CADM2: variants seen among roughly 807,000 people sequenced by gnomAD.
The protein encoded by CADM2 is cell adhesion molecule 2.
In CADM2, 12 loss-of-function variants were observed where a neutral mutation model predicts 49.8. That is an observed-to-expected ratio of 0.24 (90% confidence interval 0.15 to 0.39). The LOEUF is 0.39. CADM2 is among the 10% of genes least tolerant of loss of function. The pLI is 1.00. For synonymous variants in CADM2, 214 were observed against 175.4 expected, an observed-to-expected ratio of 1.22 and a Z score of -1.74; for missense variants, 378 against 492.3, an observed-to-expected ratio of 0.77 and a Z score of 2.20.
chr3:85,140,089 A>G (rs2039532366), intron 1 of CADM2, among the ~76,000 whole-genome samples: 2 of 152,176 alleles, frequency 1.3e-5, no homozygotes, highest in Non-Finnish European at 2.9e-5. Context: ...GCTTGTAGCT[A>G]AGATTCGGGA....
chr3:85,872,093 T>C (rs1294111898), intron 3 of CADM2, among the ~76,000 whole-genome samples: 2 of 152,204 alleles, frequency 1.3e-5, no homozygotes, highest in African/African-American at 2.4e-5. Context: ...TTTTCTACAG[T>C]GTAAGCTGGT....
intron 1 of CADM2, among the ~76,000 whole-genome samples, chr3:85,175,428 T>C (rs2040753376): frequency 6.6e-6 from 1 of 152,170 alleles, no homozygotes; most frequent in Non-Finnish European, 1.5e-5. Flanking sequence ...TATTCAGTTT[T>C]TTAAAAAGAA....
chr3:86,007,044 A>T (rs1730883572), intron 8 of CADM2, among the ~76,000 whole-genome samples: 1 of 152,008 alleles, frequency 6.6e-6, no homozygotes, highest in South Asian at 2.1e-4. Flanking sequence ...CATCTCAAAA[A>T]ATAAAAAATA....
At chr3:85,797,917 A>G (rs1435380753) in intron 2 of CADM2, among the ~76,000 whole-genome samples, 4 of 152,186 alleles carry the variant, frequency 2.6e-5, no homozygotes, top group Non-Finnish European at 5.9e-5. Context: ...CCTTTCCAGC[A>G]TCTGTTGTTT....
intron 3 of CADM2, among the ~76,000 whole-genome samples, chr3:85,822,989 A>T (rs2073682742): frequency 6.6e-6 from 1 of 152,156 alleles, no homozygotes; most frequent in Non-Finnish European, 1.5e-5. Flanking sequence ...AGCATGTTGC[A>T]TTCATTCCTT....
At chr3:85,623,621 C>G (rs1048294626) in intron 1 of CADM2, among the ~76,000 whole-genome samples, 2 of 152,112 alleles carry the variant, frequency 1.3e-5, no homozygotes, top group Non-Finnish European at 2.9e-5. Context: ...TGGAGATACA[C>G]CACATTCCTC....
chr3:85,488,744 A>G (rs1264138611), intron 1 of CADM2, among the ~76,000 whole-genome samples: 2 of 151,798 alleles, frequency 1.3e-5, no homozygotes, highest in Admixed American at 6.6e-5. Flanking sequence ...GTTGGCCAAG[A>G]TAGTCTTATC....
At chr3:85,588,132 A>G (rs146263460) in intron 1 of CADM2, among the ~76,000 whole-genome samples, 19 of 152,128 alleles carry the variant, frequency 1.2e-4, no homozygotes, top group Admixed American at 3.9e-4. Flanking sequence ...ATAATTTGTC[A>G]CAGAAAATGA....
chr3:85,111,210 A>C (rs1214000166), intron 1 of CADM2, among the ~76,000 whole-genome samples: 1 of 151,896 alleles, frequency 6.6e-6, no homozygotes, highest in African/African-American at 2.4e-5. Flanking sequence ...GGTCTTTCTT[A>C]TATTATCTGT....
chr3:85,779,950 A>C (rs1040501354), intron 2 of CADM2, among the ~76,000 whole-genome samples: 5 of 152,206 alleles, frequency 3.3e-5, no homozygotes, highest in Non-Finnish European at 7.3e-5. Flanking sequence ...TGGTGAAGAT[A>C]TAGATACGAA....
chr3:85,243,785 G>A (rs2042586204), intron 1 of CADM2, among the ~76,000 whole-genome samples: 1 of 152,022 alleles, frequency 6.6e-6, no homozygotes, highest in African/African-American at 2.4e-5. Context: ...TAAATCCACT[G>A]TCGTCTTTAT....
At chr3:85,798,113 G>T (rs7650537) in intron 2 of CADM2, among the ~76,000 whole-genome samples, 8,241 of 151,794 alleles carry the variant, frequency 0.054, 639 homozygotes, top group African/African-American at 0.17. Flanking sequence ...GGGGTCGTTT[G>T]TTTGTTTGTT....
intron 1 of CADM2, among the ~76,000 whole-genome samples, chr3:85,293,974 A>G (rs1452719411): frequency 6.6e-6 from 1 of 152,096 alleles, no homozygotes; most frequent in Non-Finnish European, 1.5e-5. Context: ...AAGGGTATTC[A>G]GTTAGGAAAA....
At chr3:86,018,305 C>T (rs565529691) in intron 8 of CADM2, among the ~76,000 whole-genome samples, 1 of 136,832 alleles carries the variant, frequency 7.3e-6, no homozygotes, top group East Asian at 2.1e-4. Flanking sequence ...GGTTCCAAGT[C>T]TTTGCTATTG....
chr3:85,104,788 T>A (rs1350698880), intron 1 of CADM2, among the ~76,000 whole-genome samples: 1 of 152,050 alleles, frequency 6.6e-6, no homozygotes, highest in African/African-American at 2.4e-5. Flanking sequence ...TCCTTCACAT[T>A]CCTTGTAAGT....
chr3:85,658,617 T>TATATAC lies in CADM2; in HGVS notation c.62-67904_62-67903insTATACA, dbSNP rs1553656741. Among the ~76,000 whole-genome samples, 230 of 125,056 alleles carry TATATAC rather than the reference T, an allele frequency of 1.8e-3. 4 individuals are homozygous for TATATAC. Among genetic ancestry groups the TATATAC allele is most frequent in the East Asian group, 4.4e-3 (18 of 4,118 alleles). The allele number at this position is 125,056 out of a possible 152,430, so 82.0% of individuals were successfully genotyped here. A position where few individuals can be genotyped will look rare whatever the true frequency, so the allele number is the denominator to read the frequency against. ...ATATATATATATATATATATATATA[T>TATATAC]ACATGTATGCATATGTTTGTTTATG... On this transcript the variant is annotated intron_variant, in intron 1 of 9. Coordinates refer to ENST00000383699, the MANE Select transcript of CADM2 (RefSeq NM_001167675.2).
At chr3:85,928,292 G>GT (rs1372164803) in intron 6 of CADM2, among the ~76,000 whole-genome samples, 5 of 151,802 alleles carry the variant, frequency 3.3e-5, no homozygotes, top group African/African-American at 1.2e-4. Flanking sequence ...TCGAGTAGCT[G>GT]GGATTACAGG....
At chr3:85,519,025 A>G (rs1449392) in intron 1 of CADM2, among the ~76,000 whole-genome samples, 6,485 of 152,132 alleles carry the variant, frequency 0.043, 461 homozygotes, top group African/African-American at 0.15. Flanking sequence ...GACTAGTCAT[A>G]TTTGTTTTAT....
chr3:85,532,462 A>T (rs1282394334), intron 1 of CADM2, among the ~76,000 whole-genome samples: 1 of 152,200 alleles, frequency 6.6e-6, no homozygotes, highest in Non-Finnish European at 1.5e-5. Context: ...TAAATACCCC[A>T]GTAAAATAAA....
Sources: allele counts gnomAD v4.1 joint callset (sites outside exome capture counted in the v4.1 genomes callset), GRCh38; gene constraint gnomAD v4.1.1; transcripts MANE v1.5; gene names NCBI Gene and HGNC (gene_info 2026-07-23, HGNC 2026-07-21).